PIK3R3: variants seen among roughly 807,000 people sequenced by gnomAD.
PIK3R3 encodes phosphoinositide-3-kinase regulatory subunit 3, also known as phosphatidylinositol 3-kinase regulatory subunit gamma.
Under a neutral mutation model 62.9 loss-of-function variants are expected in PIK3R3, and 64 were observed. The ratio of observed to expected loss-of-function variants is 1.02; its 90% CI spans 0.83 to 1.25. The LOEUF is 1.25. Among genes scored for constraint, PIK3R3 ranks in the 50% most tolerant of loss-of-function variants. The pLI is 0.00. For synonymous variants in PIK3R3, 165 were observed against 189.0 expected (o/e 0.87, Z 1.04); for missense variants, 614 against 561.6 (o/e 1.09, Z -0.94).
chr1:46,163,981 A>T, the PIK3R3 span, among the ~76,000 whole-genome samples: 1 of 151,896 alleles, frequency 6.6e-6, no homozygotes. Context: ...ATGCACTAGG[A>T]CCAGCCCAGT....
intron 7 of PIK3R3, among the ~76,000 whole-genome samples, chr1:46,050,951 G>C (rs1647293019): frequency 6.6e-6 from 1 of 152,186 alleles, no homozygotes; most frequent in Non-Finnish European, 1.5e-5. Flanking sequence ...TCACAAAAGA[G>C]TACATTTTAC....
In PIK3R3 at chr1:46,045,616, G is replaced by GTTTTTTTTTTTTTTTTTT. The variant is rs1357786582; in HGVS notation, c.1187+301_1187+302insAAAAAAAAAAAAAAAAAA. Among the ~76,000 whole-genome samples the GTTTTTTTTTTTTTTTTTT allele has an allele frequency of 1.8e-4, 3 of 16,532 alleles. 1 individual carries two copies. The highest frequency in any genetic ancestry group is 6.6e-4 in the Admixed American group (1 of 1,504). 10.8% of individuals were successfully genotyped at this position (16,532 alleles called of 152,430 possible). A position where few individuals can be genotyped will look rare whatever the true frequency, so the allele number is the denominator to read the frequency against. ...ATAGGATACTACTAAACAATTAAGTGCTTTTTTTTTTTTTTTTTTTTTTTT... is the reference window on the plus strand; with the variant it reads ...ATAGGATACTACTAAACAATTAAGTGTTTTTTTTTTTTTTTTTTCTTTTTTTTTTTTTTTTTTTTTTTT... On this transcript the variant is annotated intron_variant, in intron 9 of 9. Transcript: ENST00000262741.
chr1:46,082,263 A>G (rs1295570632), intron 1 of PIK3R3, among the ~76,000 whole-genome samples: 1 of 152,220 alleles, frequency 6.6e-6, no homozygotes, highest in Non-Finnish European at 1.5e-5. Context: ...GAATCTAATC[A>G]TAAAGAAACA....
chr1:46,147,031 T>C, the PIK3R3 span, among the ~76,000 whole-genome samples: 4 of 152,306 alleles, frequency 2.6e-5, no homozygotes, highest in Middle Eastern at 3.4e-3. Context: ...GAGGGTAATC[T>C]AGCACCTGAC....
chr1:46,115,533 T>C (rs1557625768), intron 1 of PIK3R3, among the ~76,000 whole-genome samples: 1 of 152,166 alleles, frequency 6.6e-6, no homozygotes, highest in Non-Finnish European at 1.5e-5. Context: ...TACTGCATGG[T>C]CCATACTGCA....
the PIK3R3 span, among the ~76,000 whole-genome samples, chr1:46,166,486 G>T: frequency 9.9e-5 from 15 of 152,158 alleles, no homozygotes; most frequent in African/African-American, 3.6e-4. Flanking sequence ...GCCTCCCAAA[G>T]TGCTGGGAGG....
At chr1:46,106,764 T>A (rs188624270) in intron 1 of PIK3R3, among the ~76,000 whole-genome samples, 2 of 152,218 alleles carry the variant, frequency 1.3e-5, no homozygotes, top group South Asian at 2.1e-4. Context: ...TATCCACAGA[T>A]TGATTGCCTT....
the PIK3R3 span, among the ~76,000 whole-genome samples, chr1:46,159,339 T>C: frequency 6.6e-6 from 1 of 152,178 alleles, no homozygotes; most frequent in African/African-American, 2.4e-5. Flanking sequence ...AGTCAGATGA[T>C]AAAGTTACAG....
intron 5 of PIK3R3, among the ~76,000 whole-genome samples, chr1:46,065,773 T>C (rs370954672): frequency 4.9e-4 from 74 of 152,350 alleles, no homozygotes; most frequent in African/African-American, 1.7e-3. Context: ...GGAGTTACCC[T>C]AACACCCCTG....
intron 6 of PIK3R3, among the ~76,000 whole-genome samples, chr1:46,061,609 C>A (rs1648488722): frequency 6.6e-6 from 1 of 152,154 alleles, no homozygotes; most frequent in African/African-American, 2.4e-5. Flanking sequence ...GTAAATGTTA[C>A]ACTAGGGATC....
rs534122743 is a variant in PIK3R3, at chr1:46,089,543, A to G, written c.107-8793T>C. 1.2e-4 allele frequency among the ~76,000 whole-genome samples: 18 copies of G among 152,100 alleles called. No homozygotes were observed. The East Asian group carries it at 2.7e-3, about 23-fold the overall frequency. ...ATCCTGGCTAACACAGTGAAACCCC[A>G]TCTCTACTAAAAATGTAAAAAATTA... On this transcript the variant is annotated intron_variant, in intron 1 of 9. Transcript: ENST00000262741.
intron 8 of PIK3R3, among the ~76,000 whole-genome samples, 189 bp from the exon 9 acceptor site, chr1:46,046,277 A>C (rs1647114219): frequency 6.6e-6 from 1 of 152,188 alleles, no homozygotes; most frequent in Non-Finnish European, 1.5e-5. Context: ...AATAAGCTGA[A>C]ATATGAACAT....
chr1:46,104,950 A>AC lies in PIK3R3; in HGVS notation c.107-24201dup, dbSNP rs1557614607. Reference sequence around the variant, plus strand: ...CAAAAAAAAAAAAAAAAAAAAAAAAACACACACTAAGTCATCTCCAAGTTC... The same window carrying AC: ...CAAAAAAAAAAAAAAAAAAAAAAAAACCACACACTAAGTCATCTCCAAGTTC... On this transcript the variant is annotated intron_variant, in intron 1 of 9. Coordinates refer to ENST00000262741, the MANE Select transcript of PIK3R3 (RefSeq NM_003629.4). The AC allele has an allele frequency of 4.3e-4, 224 of 524,826 alleles. 1 individual carries two copies. The highest frequency in any genetic ancestry group is 3.3e-3 in the East Asian group (95 of 28,384). The allele number at this position is 524,826 out of a possible 1,614,324, so 32.5% of individuals were successfully genotyped here.
the PIK3R3 span, among the ~76,000 whole-genome samples, chr1:46,156,674 C>G: frequency 3.3e-5 from 5 of 152,078 alleles, no homozygotes; most frequent in Non-Finnish European, 7.4e-5. Flanking sequence ...CTGTTGTGGA[C>G]AAACCAGCTG....
chr1:46,132,693 G>A (rs2149482844), upstream of PIK3R3: 1 of 1,289,590 alleles, frequency 7.8e-7, no homozygotes, highest in Non-Finnish European at 1.0e-6. Context: ...GCCCCATGCT[G>A]CCCACCCGCT....
intron 1 of PIK3R3, among the ~76,000 whole-genome samples, chr1:46,105,762 G>A (rs1027821070): frequency 1.3e-5 from 2 of 151,874 alleles, no homozygotes; most frequent in Admixed American, 6.6e-5. Flanking sequence ...TGGGGTGGAA[G>A]GGGGAGGTGG....
In PIK3R3 at chr1:46,045,617, C is replaced by CTTTTTTTT. The variant is rs1031388121; in HGVS notation, c.1187+293_1187+300dup. On this transcript the variant is annotated intron_variant, in intron 9 of 9. Coordinates refer to ENST00000262741, the MANE Select transcript of PIK3R3 (RefSeq NM_003629.4). ...TAGGATACTACTAAACAATTAAGTG[C>CTTTTTTTT]TTTTTTTTTTTTTTTTTTTTTTTTT... Among the ~76,000 whole-genome samples, 20 of 21,212 alleles carry CTTTTTTTT rather than the reference C, an allele frequency of 9.4e-4. 5 individuals carry two copies. The highest frequency in any genetic ancestry group is 2.2e-3 in the African/African-American group (10 of 4,558). 13.9% of individuals were successfully genotyped at this position (21,212 alleles called of 152,430 possible).
the PIK3R3 span, among the ~76,000 whole-genome samples, chr1:46,153,974 G>A: frequency 9.5e-4 from 144 of 152,322 alleles, no homozygotes; most frequent in African/African-American, 3.2e-3. Context: ...AGAAGGATAA[G>A]TAAGAATTCA....
intron 7 of PIK3R3, among the ~76,000 whole-genome samples, chr1:46,050,284 G>A (rs1647245599): frequency 1.3e-5 from 2 of 152,096 alleles, no homozygotes; most frequent in South Asian, 2.1e-4. Flanking sequence ...AAAGAATGAA[G>A]CCAGGTGCGG....
Sources: allele counts gnomAD v4.1 joint callset (sites outside exome capture counted in the v4.1 genomes callset), GRCh38; gene constraint gnomAD v4.1.1; transcripts MANE v1.5; gene names NCBI Gene and HGNC (gene_info 2026-07-23, HGNC 2026-07-21).